PPP1R9A: variants seen among roughly 807,000 people sequenced by gnomAD.
PPP1R9A encodes protein phosphatase 1 regulatory subunit 9A, also known as neurabin-1.
Under a neutral mutation model 141.9 loss-of-function variants are expected in PPP1R9A, and 59 were observed. The observed-to-expected ratio is 0.42, with a 90% confidence interval of 0.34 to 0.52. The LOEUF is 0.52. PPP1R9A is among the 20% of genes least tolerant of loss of function. The pLI is 0.10. For synonymous variants in PPP1R9A, 500 were observed against 569.7 expected, an observed-to-expected ratio of 0.88 and a Z score of 1.74; for missense variants, 1,444 against 1,611.9, an observed-to-expected ratio of 0.90 and a Z score of 1.78.
rs1836564643 is a variant in PPP1R9A, at chr7:95,198,146, C to G, written c.1755-203C>G. The stretch of plus-strand genomic sequence containing the variant: ...CCTTTACTTTTTTCCCCCTTCTTTT[C>G]CTTTATGAGCTGTGTCCCTAAAAAT... On this transcript the variant is annotated intron_variant, in intron 5 of 19. Coordinates refer to ENST00000433360, the MANE Select transcript of PPP1R9A (RefSeq NM_001166160.2). Among the ~76,000 whole-genome samples, 7 of 152,162 alleles carry G rather than the reference C, an allele frequency of 4.6e-5. 1 individual carries two copies. In the South Asian group the frequency reaches 1.5e-3, roughly 32 times the overall value.
intron 2 of PPP1R9A, among the ~76,000 whole-genome samples, chr7:95,077,769 G>A (rs1439819528): frequency 1.3e-5 from 2 of 152,284 alleles, no homozygotes; most frequent in African/African-American, 4.8e-5. Flanking sequence ...AAGGTTGTGT[G>A]TGAGGCCAGT....
chr7:95,271,232 A>G (rs1029794526), intron 14 of PPP1R9A, among the ~76,000 whole-genome samples: 1 of 152,322 alleles, frequency 6.6e-6, no homozygotes, highest in South Asian at 2.1e-4. Context: ...AACATCTTAG[A>G]TAACTTGCCA....
chr7:94,987,984 T>A lies in PPP1R9A; in HGVS notation c.1395+76476T>A, dbSNP rs564411705. Among the ~76,000 whole-genome samples, 17 of 152,262 alleles carry A rather than the reference T, an allele frequency of 1.1e-4. 1 individual carries two copies. The South Asian group carries it at 2.3e-3, about 20-fold the overall frequency. On this transcript the variant is annotated intron_variant, in intron 2 of 19. Transcript: ENST00000433360. ...TTAAAGGTGATAAAACACATCCTAC[T>A]GTGTATAAGTTTTATTTATTTGATT...
intron 6 of PPP1R9A, among the ~76,000 whole-genome samples, chr7:95,201,803 TTAGAG>T (rs1485273973): frequency 6.6e-6 from 1 of 152,182 alleles, no homozygotes; most frequent in Non-Finnish European, 1.5e-5. Context: ...GATTTCAAAG[TTAGAG>T]TTATTTTTAT....
chr7:95,104,149 A>T (rs1161276787), intron 2 of PPP1R9A, among the ~76,000 whole-genome samples: 1 of 152,210 alleles, frequency 6.6e-6, no homozygotes, highest in Admixed American at 6.5e-5. Flanking sequence ...TTAGCCTTAG[A>T]AATATTTTAT....
At chr7:95,239,961 A>G (rs896643472) in intron 8 of PPP1R9A, among the ~76,000 whole-genome samples, 2 of 152,078 alleles carry the variant, frequency 1.3e-5, no homozygotes, top group Non-Finnish European at 2.9e-5. Flanking sequence ...TTAGTTTTCT[A>G]AAGATATTTA....
upstream of PPP1R9A, chr7:94,907,236 G>C (rs994167153): frequency 1.3e-5 from 2 of 152,080 alleles, no homozygotes; most frequent in Admixed American, 6.6e-5. Context: ...GTTCGGGGGG[G>C]AGTGAGCTGA....
At chr7:94,932,828 A>G (rs1251016623) in intron 2 of PPP1R9A, among the ~76,000 whole-genome samples, 1 of 134,304 alleles carries the variant, frequency 7.4e-6, no homozygotes, top group East Asian at 2.2e-4. Context: ...TCATTCCACT[A>G]TGCATTCTCC....
intron 2 of PPP1R9A, among the ~76,000 whole-genome samples, chr7:94,951,173 T>C (rs1304939988): frequency 1.3e-5 from 2 of 152,150 alleles, no homozygotes; most frequent in African/African-American, 4.8e-5. Context: ...AGTATTCCAA[T>C]AATGATAGTT....
At chr7:95,078,307 A>T (rs533104867) in intron 2 of PPP1R9A, among the ~76,000 whole-genome samples, 1 of 152,022 alleles carries the variant, frequency 6.6e-6, no homozygotes, top group African/African-American at 2.4e-5. Flanking sequence ...AAAGGACATG[A>T]ACTCATCATT....
chr7:95,204,608 C>A lies in PPP1R9A; in HGVS notation c.1956+878C>A, dbSNP rs1295033303. 2.0e-5 allele frequency among the ~76,000 whole-genome samples: 3 copies of A among 150,094 alleles called. No homozygotes were observed. In the East Asian group the frequency reaches 5.9e-4, roughly 29 times the overall value. ...ACACATGCTTAACACACACACACAC[C>A]ACACACACACCACACTCACACCACA... On this transcript the variant is annotated intron_variant, in intron 7 of 19. Coordinates refer to ENST00000433360, the MANE Select transcript of PPP1R9A (RefSeq NM_001166160.2).
intron 4 of PPP1R9A, among the ~76,000 whole-genome samples, chr7:95,149,558 T>C (rs1358210506): frequency 3.3e-5 from 5 of 151,946 alleles, no homozygotes; most frequent in Non-Finnish European, 5.9e-5. Context: ...ACAAAAGTCA[T>C]TCATTTTCCT....
chr7:94,919,900 T>TA (rs1792575398), intron 2 of PPP1R9A, among the ~76,000 whole-genome samples: 2 of 152,196 alleles, frequency 1.3e-5, no homozygotes, highest in Non-Finnish European at 2.9e-5. Context: ...TTGAATTTCT[T>TA]ACCTGTAATT....
chr7:95,268,503 G>A (rs762001857), intron 12 of PPP1R9A, 47 bp from the exon 13 acceptor site: 8 of 1,604,046 alleles, frequency 5.0e-6, no homozygotes, highest in Non-Finnish European at 6.8e-6. Context: ...CTCTTCATCA[G>A]TTCTCTCCAA....
At chr7:95,177,649 C>T (rs1833095666) in intron 5 of PPP1R9A, among the ~76,000 whole-genome samples, 1 of 152,038 alleles carries the variant, frequency 6.6e-6, no homozygotes, top group Non-Finnish European at 1.5e-5. Flanking sequence ...TCACCTAACA[C>T]ATAAAGACTC....
At chr7:95,098,387 T>TA (rs1425640861) in intron 2 of PPP1R9A, 18 of 127,654 alleles carry the variant, frequency 1.4e-4, no homozygotes, top group African/African-American at 5.9e-4. Flanking sequence ...AATAAATAAA[T>TA]AAAAAATAAA....
intron 7 of PPP1R9A, among the ~76,000 whole-genome samples, chr7:95,215,893 T>C (rs2152927792): frequency 6.6e-6 from 1 of 152,318 alleles, no homozygotes; most frequent in East Asian, 1.9e-4. Context: ...GATGAGTAGA[T>C]TGCAAAAATT....
At chr7:95,056,954 T>C (rs1811577055) in intron 2 of PPP1R9A, among the ~76,000 whole-genome samples, 1 of 152,142 alleles carries the variant, frequency 6.6e-6, no homozygotes, top group African/African-American at 2.4e-5. Flanking sequence ...CTTCAAGTTA[T>C]ATATAAGAAT....
At chr7:95,221,026 T>G (rs1055260894) in intron 7 of PPP1R9A, among the ~76,000 whole-genome samples, 1 of 152,056 alleles carries the variant, frequency 6.6e-6, no homozygotes, top group Non-Finnish European at 1.5e-5. Context: ...AATGACCAAT[T>G]TGCTTATAAA....
Sources: allele counts gnomAD v4.1 joint callset (sites outside exome capture counted in the v4.1 genomes callset), GRCh38; gene constraint gnomAD v4.1.1; transcripts MANE v1.5; gene names NCBI Gene and HGNC (gene_info 2026-07-23, HGNC 2026-07-21).